RAPGEF6: variants seen among roughly 807,000 people sequenced by gnomAD.
RAPGEF6 encodes Rap guanine nucleotide exchange factor 6, also known as PDZ domain containing guanine nucleotide exchange factor (GEF) 2.
In RAPGEF6, 56 loss-of-function variants were observed where a neutral mutation model predicts 171.4. The ratio of observed to expected loss-of-function variants is 0.33; its 90% CI spans 0.26 to 0.41. The LOEUF (loss-of-function observed/expected upper bound fraction) is 0.41. Among genes scored for constraint, RAPGEF6 ranks in the 10% least tolerant of loss-of-function variants. The probability of loss-of-function intolerance (pLI) is 1.00; values close to 1 mark genes in which losing one functional copy is unlikely to be tolerated. For synonymous variants in RAPGEF6, 692 were observed against 650.1 expected, an observed-to-expected ratio of 1.06 and a Z score of -0.98; for missense variants, 1,674 against 1,921.4, an observed-to-expected ratio of 0.87 and a Z score of 2.41.
In RAPGEF6 at chr5:131,601,857, C is replaced by T. The variant is rs143467556; in HGVS notation, c.197+1414G>A. On this transcript the variant is annotated intron_variant, in intron 3 of 27. Transcript: ENST00000509018. Reference sequence around the variant, plus strand: ...GACCATCCTGGCTAACACAGTGAAACCCCGTCTCTACTAAAAATACAAAAA... The same window carrying T: ...GACCATCCTGGCTAACACAGTGAAATCCCGTCTCTACTAAAAATACAAAAA... Among the ~76,000 whole-genome samples, 120 of 151,970 alleles carry T rather than the reference C, an allele frequency of 7.9e-4. 1 individual carries two copies. Among genetic ancestry groups the T allele is most frequent in the African/African-American group, 2.7e-3 (111 of 41,442 alleles).
chr5:131,510,173 TA>T, intron 8 of RAPGEF6, 140 bp downstream of exon 8: 1 of 895,352 alleles, frequency 1.1e-6, no homozygotes, highest in Non-Finnish European at 1.6e-6. Flanking sequence ...AAGGTGCTCC[TA>T]AATTTGACTC....
intron 4 of RAPGEF6, among the ~76,000 whole-genome samples, chr5:131,571,105 T>C (rs1187482682): frequency 1.3e-5 from 2 of 151,792 alleles, no homozygotes; most frequent in Non-Finnish European, 2.9e-5. Flanking sequence ...CCACACCGGG[T>C]TAATTTTTGT....
chr5:131,478,407 C>T (rs938606573), intron 16 of RAPGEF6, among the ~76,000 whole-genome samples: 3 of 152,164 alleles, frequency 2.0e-5, no homozygotes, highest in African/African-American at 7.2e-5. Flanking sequence ...CCTAAAAGAA[C>T]AGATCTTATC....
At position 131,498,572 on chromosome 5, in the gene RAPGEF6, T is replaced by C. The variant is rs1756795577; in HGVS notation, c.1290A>G (p.Glu430=). The C allele has an allele frequency of 1.9e-6, 3 of 1,613,836 alleles. No homozygotes were observed. The highest frequency in any genetic ancestry group is 2.5e-6 in the Non-Finnish European group (3 of 1,179,898). The part of the protein sequence containing the change: ...TPERLIMHLI[E]EHSIVDPTYI... ...AAGTTGGATCCACGATGGAATGTTCTTCTATTAAATGCATTATGAGACGCT... is the reference window on the plus strand; with the variant it reads ...AAGTTGGATCCACGATGGAATGTTCCTCTATTAAATGCATTATGAGACGCT... Residue 430 remains glutamate (E), a synonymous_variant, in exon 12 of 28, where the codon GAA becomes GAG. Coordinates refer to ENST00000509018, the MANE Select transcript of RAPGEF6 (RefSeq NM_016340.6).
chr5:131,469,654 T>C (rs1381749785), intron 17 of RAPGEF6: 3 of 519,660 alleles, frequency 5.8e-6, no homozygotes, highest in South Asian at 4.1e-5. Context: ...AAAAGACACA[T>C]GCCAGTTAAT....
intron 1 of RAPGEF6, among the ~76,000 whole-genome samples, chr5:131,622,355 C>T (rs552020891): frequency 2.0e-5 from 3 of 152,186 alleles, no homozygotes; most frequent in African/African-American, 4.8e-5. Context: ...CCTGACTACA[C>T]GACAAAAATC....
intron 24 of RAPGEF6, among the ~76,000 whole-genome samples, chr5:131,434,477 G>A (rs1165233663): frequency 2.6e-5 from 4 of 152,126 alleles, no homozygotes; most frequent in South Asian, 4.1e-4. Context: ...GGCCTCAAGC[G>A]ATCCTCCCGC....
chr5:131,579,683 G>C (rs1762820491), intron 4 of RAPGEF6, among the ~76,000 whole-genome samples: 1 of 152,142 alleles, frequency 6.6e-6, no homozygotes, highest in South Asian at 2.1e-4. Context: ...CCTTTAGCTA[G>C]AAACAAAAGT....
At chr5:131,451,018 A>G (rs1161196206) in intron 21 of RAPGEF6, among the ~76,000 whole-genome samples, 1 of 152,228 alleles carries the variant, frequency 6.6e-6, no homozygotes, top group Non-Finnish European at 1.5e-5. Flanking sequence ...GTAAGTAAAT[A>G]GAGGTCCACA....
At position 131,585,931 on chromosome 5, in the gene RAPGEF6, T is replaced by C. The variant is rs1213652379; in HGVS notation, c.281+6452A>G. Reference sequence around the variant, plus strand: ...CTGCCTTTCCAGACTGAACCAATGCTGATCTTACATATGTTGATTGAGGTC... The same window carrying C: ...CTGCCTTTCCAGACTGAACCAATGCCGATCTTACATATGTTGATTGAGGTC... On this transcript the variant is annotated intron_variant, in intron 4 of 27. Transcript: ENST00000509018. Among the ~76,000 whole-genome samples the C allele has an allele frequency of 3.3e-5, 5 of 152,350 alleles. No homozygotes were observed. In the East Asian group the frequency reaches 7.7e-4, roughly 24 times the overall value.
rs184271246 is a variant in RAPGEF6 at position 131,533,606 on chromosome 5, G to A, written c.496-12085C>T. Among the ~76,000 whole-genome samples the A allele has an allele frequency of 2.0e-5, 3 of 152,186 alleles. No individual in the cohort carries two copies. The East Asian group carries it at 5.8e-4, about 29-fold the overall frequency. The stretch of plus-strand genomic sequence containing the variant: ...AATATACAAACTAGTACTAAGATTT[G>A]TAGGTAGATAGTAAATTTAAATGGA... On this transcript the variant is annotated intron_variant, in intron 6 of 27. Transcript: ENST00000509018.
At chr5:131,428,690 G>A (rs914764542) in intron 27 of RAPGEF6, among the ~76,000 whole-genome samples, 1 of 151,842 alleles carries the variant, frequency 6.6e-6, no homozygotes, top group Admixed American at 6.6e-5. Flanking sequence ...AGGAACTCCC[G>A]ACCTCAGGTG....
chr5:131,560,134 C>T (rs1316445056), intron 5 of RAPGEF6, among the ~76,000 whole-genome samples: 2 of 152,090 alleles, frequency 1.3e-5, no homozygotes, highest in Admixed American at 1.3e-4. Context: ...AAATTACCAG[C>T]CATAAATACA....
chr5:131,621,199 G>A (rs1330642160), intron 1 of RAPGEF6, among the ~76,000 whole-genome samples: 2 of 152,158 alleles, frequency 1.3e-5, no homozygotes, highest in African/African-American at 4.8e-5. Context: ...GAGCCTTTGT[G>A]GATATCAAAA....
At chr5:131,444,755 G>A (rs1256068801) in intron 22 of RAPGEF6, among the ~76,000 whole-genome samples, 1 of 152,108 alleles carries the variant, frequency 6.6e-6, no homozygotes, top group Admixed American at 6.6e-5. Flanking sequence ...CCATGAGGGT[G>A]TATATAAACT....
Position 131,454,928 on chromosome 5 carries a change from T to C in RAPGEF6, c.3076+873A>G, listed in dbSNP as rs146088706. 6.2e-3 allele frequency among the ~76,000 whole-genome samples: 946 copies of C among 152,302 alleles called. 5 individuals are homozygous for C. The highest frequency in any genetic ancestry group is 0.014 in the Middle Eastern group (4 of 294). ...ATTAACAGTGGAAGGCACAGAACAA[T>C]GGAATGTCATTTCAAAGTGTTTGAA... On this transcript the variant is annotated intron_variant, in intron 20 of 27. Coordinates refer to ENST00000509018, the MANE Select transcript of RAPGEF6 (RefSeq NM_016340.6).
At chr5:131,434,306 G>A (rs745334316) in intron 24 of RAPGEF6, among the ~76,000 whole-genome samples, 2 of 152,176 alleles carry the variant, frequency 1.3e-5, no homozygotes, top group Admixed American at 6.5e-5. Context: ...GCAATGGCAC[G>A]ATCATAGCTC....
At chr5:131,456,195 A>G (rs957051141) in intron 19 of RAPGEF6, among the ~76,000 whole-genome samples, 183 bp from the exon 20 acceptor site, 5 of 152,222 alleles carry the variant, frequency 3.3e-5, no homozygotes, top group Non-Finnish European at 7.3e-5. Context: ...TCTTACAAGA[A>G]CTTCTTTCAA....
chr5:131,574,451 C>T (rs976149850), intron 4 of RAPGEF6, among the ~76,000 whole-genome samples: 1 of 152,100 alleles, frequency 6.6e-6, no homozygotes, highest in Admixed American at 6.5e-5. Flanking sequence ...GGGGGCTACC[C>T]ACTCCACATT....
Sources: allele counts gnomAD v4.1 joint callset (sites outside exome capture counted in the v4.1 genomes callset), GRCh38; gene constraint gnomAD v4.1.1; transcripts MANE v1.5; gene names NCBI Gene and HGNC (gene_info 2026-07-23, HGNC 2026-07-21).